The following GRK6 variants were observed in gnomAD, a reference collection of about 807,000 sequenced individuals.
GRK6 encodes the protein G protein-coupled receptor kinase 6.
GRK6 carries 37 observed loss-of-function variants against 80.8 expected under a neutral mutation model. The observed-to-expected ratio is 0.46, with a 90% CI of 0.35 to 0.60. The LOEUF (loss-of-function observed/expected upper bound fraction) is 0.60. GRK6 is among the 20% of genes least tolerant of loss of function. The probability of loss-of-function intolerance (pLI) is 0.00; values close to 1 mark genes in which losing one functional copy is unlikely to be tolerated. For missense variants in GRK6, 560 were observed against 784.6 expected (o/e 0.71, Z 3.42); for synonymous variants, 295 against 320.9 (o/e 0.92, Z 0.86).
intron 13 of GRK6, among the ~76,000 whole-genome samples, chr5:177,439,719 T>C (rs577932507): frequency 6.6e-6 from 1 of 152,168 alleles, no homozygotes; most frequent in East Asian, 1.9e-4. Flanking sequence ...CAGTCTACTC[T>C]GTGTCTCTCT....
chr5:177,428,617 A>G lies in GRK6; in HGVS notation c.52+1720A>G, dbSNP rs1019173854. Among the ~76,000 whole-genome samples, 2 of 152,142 alleles carry G rather than the reference A, an allele frequency of 1.3e-5. No individual in the cohort carries two copies. On this transcript the variant is annotated intron_variant, in intron 1 of 15. Coordinates refer to ENST00000355472, the MANE Select transcript of GRK6 (RefSeq NM_001004106.3). The surrounding 1 kb of genome is among the most constrained non-coding windows in gnomAD (Gnocchi z 4.1). ...ATTTATAGCACAGATGGGTTTCACC[A>G]TGTTGGCCTGGCTGGTCTTGAACTC... is the stretch of plus-strand genomic sequence containing the variant.
At chr5:177,435,919 C>G (rs563699289) in intron 11 of GRK6, among the ~76,000 whole-genome samples, 154 bp from the exon 12 acceptor site, 2 of 152,190 alleles carry the variant, frequency 1.3e-5, no homozygotes, top group African/African-American at 4.8e-5. Context: ...GTATTCACCC[C>G]GCTTGATGGG....
intron 1 of GRK6, among the ~76,000 whole-genome samples, chr5:177,430,472 CT>C (rs1438927781): frequency 6.6e-6 from 1 of 152,218 alleles, no homozygotes; most frequent in Admixed American, 6.5e-5. Flanking sequence ...CCCTGTGCGT[CT>C]CTCAGGCCTG....
intron 13 of GRK6, chr5:177,438,652 C>G (rs1205621733): frequency 6.6e-6 from 1 of 152,270 alleles, no homozygotes; most frequent in Admixed American, 6.5e-5. Flanking sequence ...CCGGCAGGTT[C>G]TCAGCAAGAT....
Position 177,441,941 on chromosome 5 carries a change from C to T in GRK6, c.*151C>T. 2 of 717,458 alleles carry T rather than the reference C, an allele frequency of 2.8e-6. No individual in the cohort carries two copies. The highest frequency in any genetic ancestry group is 4.7e-6 in the Non-Finnish European group (2 of 422,966). The allele number at this position is 717,458 out of a possible 1,614,324, so 44.4% of individuals were successfully genotyped here. A position where few individuals can be genotyped will look rare whatever the true frequency, so the allele number is the denominator to read the frequency against. On this transcript the variant is annotated 3_prime_UTR_variant, in exon 16 of 16. Transcript: ENST00000355472. ...GTCCCCAGTGTCCTCCGTCCCTCAG[C>T]CCCTGGCCTGGCTGAGTTTGGCAGG...
intron 1 of GRK6, 119 bp downstream of exon 1, chr5:177,427,016 A>C: frequency 2.1e-6 from 1 of 475,030 alleles, no homozygotes; most frequent in Non-Finnish European, 3.1e-6. Flanking sequence ...TGCGCCTTAC[A>C]CCCCGCCCAG....
At chr5:177,436,356 C>T (rs1418827850) in intron 12 of GRK6, 37 bp from the exon 13 acceptor site, 3 of 1,607,104 alleles carry the variant, frequency 1.9e-6, no homozygotes, top group East Asian at 2.2e-5. Flanking sequence ...ACCCACTCAC[C>T]TGCCTGGCCT....
upstream of GRK6, among the ~76,000 whole-genome samples, chr5:177,426,282 G>A (rs1763658611): frequency 6.6e-6 from 1 of 152,240 alleles, no homozygotes; most frequent in Admixed American, 6.5e-5. Context: ...CACACCTTCA[G>A]GCGACGACCC....
At position 177,433,363 on chromosome 5, in the gene GRK6, A is replaced by G. The variant is rs1763997689; in HGVS notation, c.550A>G (p.Asn184Asp). 6.2e-7 allele frequency: 1 copy of G among 1,613,780 alleles called. No homozygotes were observed. Among genetic ancestry groups the G allele is most frequent in the Non-Finnish European group, 8.5e-7 (1 of 1,179,910 alleles). The change falls in exon 7 of 16, where the codon AAC becomes GAC. Residue 184 changes from asparagine (N) to aspartate (D), a missense_variant. Transcript: ENST00000355472. ...KWLERQPVTK[N>D]TFRQYRVLGK... The stretch of plus-strand genomic sequence containing the variant: ...TTGCCACAGGCAGCCAGTGACCAAA[A>G]ACACCTTCAGGCAATACCGAGTCCT...
chr5:177,441,387 C>T, intron 15 of GRK6: 1 of 1,053,202 alleles, frequency 9.5e-7, no homozygotes, highest in Non-Finnish European at 1.4e-6. Flanking sequence ...GCTTTGATCC[C>T]CTGCACCCTG....
intron 13 of GRK6, among the ~76,000 whole-genome samples, chr5:177,439,521 C>T (rs1046088430): frequency 7.7e-6 from 1 of 129,610 alleles, no homozygotes; most frequent in Non-Finnish European, 1.6e-5. Flanking sequence ...GGCTGGGCAA[C>T]AAGAGCAAAA....
At chr5:177,432,912 G>C (rs1393055060) in intron 5 of GRK6, 106 bp downstream of exon 5, 1 of 968,866 alleles carries the variant, frequency 1.0e-6, no homozygotes, top group Non-Finnish European at 1.6e-6. Context: ...GAGCTCAGCT[G>C]CCCAGCCCTG....
rs1188526680 is a variant in GRK6, at chr5:177,428,049, T to C, written c.52+1152T>C. Among the ~76,000 whole-genome samples the C allele has an allele frequency of 2.6e-5, 4 of 152,202 alleles. No individual in the cohort carries two copies. Among genetic ancestry groups the C allele is most frequent in the African/African-American group, 9.6e-5 (4 of 41,454 alleles). On this transcript the variant is annotated intron_variant, in intron 1 of 15. Transcript: ENST00000355472. The surrounding 1 kb of genome is among the most constrained non-coding windows in gnomAD (Gnocchi z 4.1). The stretch of plus-strand genomic sequence containing the variant: ...CACCTGGCACCCCGTGCCCACCAAG[T>C]GCTCTGGCGAGGTGCAGCCCAGAAA...
chr5:177,426,697 G>T lies in GRK6; in HGVS notation c.-149G>T, dbSNP rs1330039640. 4 of 234,124 alleles carry T rather than the reference G, an allele frequency of 1.7e-5. No individual in the cohort carries two copies. Among genetic ancestry groups the T allele is most frequent in the African/African-American group, 2.3e-5 (1 of 42,822 alleles). The allele number at this position is 234,124 out of a possible 1,614,324, so 14.5% of individuals were successfully genotyped here. A position where few individuals can be genotyped will look rare whatever the true frequency, so the allele number is the denominator to read the frequency against. On this transcript the variant is annotated 5_prime_UTR_variant, in exon 1 of 16. Coordinates refer to ENST00000355472, the MANE Select transcript of GRK6 (RefSeq NM_001004106.3). ...GGGCGGAGAGTGCGCGGCTGGCTGCGGCGGCCGGGGAGGCCGGGGAGGCCG... is the reference window on the plus strand; with the variant it reads ...GGGCGGAGAGTGCGCGGCTGGCTGCTGCGGCCGGGGAGGCCGGGGAGGCCG...
rs1293810922 is a variant in GRK6, at chr5:177,440,957, T to C, written c.1581T>C (p.Phe527=). The C allele has an allele frequency of 6.2e-7, 1 of 1,613,882 alleles. No individual in the cohort carries two copies. Among genetic ancestry groups the C allele is most frequent in the Admixed American group, 1.7e-5 (1 of 60,004 alleles). Residue 527 remains phenylalanine, a synonymous_variant, in exon 15 of 16, where the codon TTT becomes TTC. Coordinates refer to ENST00000355472, the MANE Select transcript of GRK6 (RefSeq NM_001004106.3). ...ETECFQELNV[F]GLDGSVPPDL... is the part of the protein sequence containing the mutation. The stretch of plus-strand genomic sequence containing the variant: ...AGTGCTTCCAAGAGCTGAATGTCTT[T>C]GGGCTGGATGGCTCAGTTCCCCCAG...
chr5:177,441,044 C>A lies in GRK6; in HGVS notation c.1668C>A (p.Phe556Leu), dbSNP rs1357116773. The A allele has an allele frequency of 1.9e-6, 3 of 1,613,840 alleles. No homozygotes were observed. Among genetic ancestry groups the A allele is most frequent in the Non-Finnish European group, 2.5e-6 (3 of 1,179,894 alleles). The part of the protein sequence containing the change: ...PPKKGLLQRL[F>L]SRQDCCGNCS... ...AAAAGGGACTGCTGCAGAGACTCTTCAGTCGCCAAGTAAGCCCCAGCAGCG... is the reference window on the plus strand; with the variant it reads ...AAAAGGGACTGCTGCAGAGACTCTTAAGTCGCCAAGTAAGCCCCAGCAGCG... Residue 556 changes from phenylalanine (F) to leucine (L), a missense_variant, in exon 15 of 16, where the codon TTC becomes TTA. Phe to Leu is a conservative substitution (Grantham distance 22). This residue lies in a region of GRK6 where 294 missense variants were observed against 397.4 expected (regional missense o/e 0.74). Transcript: ENST00000355472.
In GRK6 at chr5:177,435,110, T is replaced by C; in HGVS notation, c.1046T>C (p.Val349Ala). Residue 349 changes from valine (V) to alanine (A), a missense_variant, in exon 11 of 16, where the codon GTG (valine) becomes GCG (alanine). This residue lies in a region of GRK6 where 294 missense variants were observed against 397.4 expected (regional missense o/e 0.74). Transcript: ENST00000355472. ...ACCATCAAAGGGCGTGTGGGCACCG[T>C]GGGTTACATGGGTGAGTCTTCTCTG... ...GQTIKGRVGT[V>A]GYMAPEVVKN... is the part of the protein sequence containing the mutation. 1 of 1,605,806 alleles carries C rather than the reference T, an allele frequency of 6.2e-7. No homozygotes were observed. The highest frequency in any genetic ancestry group is 8.5e-7 in the Non-Finnish European group (1 of 1,175,398).
Position 177,434,082 on chromosome 5 carries a change from C to A in GRK6, c.907C>A (p.His303Asn). The A allele has an allele frequency of 6.3e-7, 1 of 1,594,928 alleles. No homozygotes were observed. Among genetic ancestry groups the A allele is most frequent in the Admixed American group, 1.7e-5 (1 of 58,788 alleles). The change falls in exon 9 of 16, where the codon CAC (histidine) becomes AAC (asparagine). Residue 303 changes from histidine (H) to asparagine (N), a missense_variant. By Grantham distance (68) the His-to-Asn change is moderately conservative. Coordinates refer to ENST00000355472, the MANE Select transcript of GRK6 (RefSeq NM_001004106.3). Reference protein sequence around the residue: ...AEICCGLEDLHRERIVYRDLK... With the variant: ...AEICCGLEDLNRERIVYRDLK... ...GATCTGCTGTGGCCTGGAGGACCTG[C>A]ACCGGGAGCGCATCGTGTACAGGTG...
chr5:177,433,179 T>C lies in GRK6; in HGVS notation c.473T>C (p.Phe158Ser). Reference sequence around the variant, plus strand: ...CACGAGTACCTGAGCGTGGCCCCTTTTGCCGACTACCTCGACAGCATCTAC... The same window carrying C: ...CACGAGTACCTGAGCGTGGCCCCTTCTGCCGACTACCTCGACAGCATCTAC... Reference protein sequence around the residue: ...LTHEYLSVAPFADYLDSIYFN... With the variant: ...LTHEYLSVAPSADYLDSIYFN... Residue 158 changes from phenylalanine to serine, a missense_variant, in exon 6 of 16, where the codon TTT becomes TCT. Physicochemically the swap from Phe to Ser is radical, Grantham distance 155 (BLOSUM62 -2). Transcript: ENST00000355472. The C allele has an allele frequency of 6.2e-7, 1 of 1,614,148 alleles. No individual in the cohort carries two copies. Among genetic ancestry groups the C allele is most frequent in the Non-Finnish European group, 8.5e-7 (1 of 1,180,018 alleles).
Sources: gnomAD v4.1 joint callset for allele counts (sites outside exome capture counted in the v4.1 genomes callset) on GRCh38, gnomAD v4.1.1 for gene constraint, gnomAD v4.1.1 regional missense constraint, Gnocchi (gnomAD v3.1) non-coding constraint, MANE v1.5 for transcripts, NCBI Gene and HGNC (gene_info 2026-07-23, HGNC 2026-07-21) for gene names.